The following ORMDL3 variants were observed in gnomAD, a reference collection of about 807,000 sequenced individuals.
ORMDL3 encodes ORM1-like protein 3.
ORMDL3 carries 6 observed loss-of-function variants against 12.6 expected under a neutral mutation model. That is an observed-to-expected ratio of 0.48 (90% CI 0.26 to 0.94). ORMDL3 has a LOEUF of 0.94. Ranked by LOEUF, ORMDL3 falls within the 40% of genes least tolerant of loss-of-function variation. The pLI, the probability that ORMDL3 is intolerant of heterozygous loss-of-function variation, is 0.14. For missense variants in ORMDL3, 159 were observed against 205.5 expected (o/e 0.77, Z 1.38); for synonymous variants, 99 against 87.2 (o/e 1.14, Z -0.75).
At position 39,922,242 on chromosome 17, in the gene ORMDL3, C is replaced by T. The variant is rs192211039; in HGVS notation, c.*308G>A. 6 of 235,568 alleles carry T rather than the reference C, an allele frequency of 2.5e-5. No homozygotes were observed. Among genetic ancestry groups the T allele is most frequent in the Non-Finnish European group, 4.1e-5 (5 of 121,134 alleles). The allele number at this position is 235,568 out of a possible 1,614,324, so 14.6% of individuals were successfully genotyped here. Reference sequence around the variant, plus strand: ...TTCCCCTGGCCTCCTGTCGCAACTGCGTGGTCCATGTTCAGCCCAGGAGCC... The same window carrying T: ...TTCCCCTGGCCTCCTGTCGCAACTGTGTGGTCCATGTTCAGCCCAGGAGCC... On this transcript the variant is annotated 3_prime_UTR_variant, in exon 4 of 4. Transcript: ENST00000304046.
rs768286050 is a variant in ORMDL3, at chr17:39,924,254, G to A, written c.-22-29C>T. 3.9e-6 allele frequency: 6 copies of A among 1,533,720 alleles called. No individual in the cohort carries two copies. The African/African-American group carries it at 4.1e-5, about 11-fold the overall frequency. On this transcript the variant is annotated intron_variant, in intron 1 of 3. Transcript: ENST00000304046. ...CAAACAAGCAGCACAGGTCAGACAG[G>A]TCACACTGCTTTCCCTGCCCCCTCT...
At position 39,921,251 on chromosome 17, in the gene ORMDL3, C is replaced by T. The variant is rs1045787051; in HGVS notation, c.*1299G>A. ...CTGGAAGAGGACACAGGGACCCACA[C>T]CTTTTCAAAATTAACACTGCCCCTA... On this transcript the variant is annotated 3_prime_UTR_variant, in exon 4 of 4. Transcript: ENST00000304046. 6.6e-6 allele frequency: 1 copy of T among 152,670 alleles called. No individual in the cohort carries two copies. The highest frequency in any genetic ancestry group is 1.5e-5 in the Non-Finnish European group (1 of 68,084). The allele number at this position is 152,670 out of a possible 1,614,324, so 9.5% of individuals were successfully genotyped here.
At chr17:39,925,004 C>G (rs1598286979) in intron 1 of ORMDL3, among the ~76,000 whole-genome samples, 1 of 152,160 alleles carries the variant, frequency 6.6e-6, no homozygotes, top group Non-Finnish European at 1.5e-5. Flanking sequence ...GCCAAACCAC[C>G]AGGGCCCTTT....
In ORMDL3 at chr17:39,921,799, C is replaced by G. The variant is rs1357762626; in HGVS notation, c.*751G>C. ...GTCCCTACCCCTCCCTCCCTTACAC[C>G]AGTCCTCTGCTGCTATGTGGCCCCA... On this transcript the variant is annotated 3_prime_UTR_variant, in exon 4 of 4. Coordinates refer to ENST00000304046, the MANE Select transcript of ORMDL3 (RefSeq NM_139280.4). The G allele has an allele frequency of 6.6e-6, 1 of 152,402 alleles. No individual in the cohort carries two copies. Among genetic ancestry groups the G allele is most frequent in the African/African-American group, 2.4e-5 (1 of 41,396 alleles). The allele number at this position is 152,402 out of a possible 1,614,324, so 9.4% of individuals were successfully genotyped here.
Position 39,927,466 on chromosome 17 carries a change from G to T in ORMDL3, c.-23+18C>A. 9.1e-6 allele frequency: 9 copies of T among 985,370 alleles called. No individual in the cohort carries two copies. Among genetic ancestry groups the T allele is most frequent in the Non-Finnish European group, 9.6e-6 (8 of 830,014 alleles). The allele number at this position is 985,370 out of a possible 1,614,324, so 61.0% of individuals were successfully genotyped here. ...CCCTCCCGTAGCCCTGGGGCCTCTT[G>T]GTTCCTTCCGGGCTCACCGTGTGGG... On this transcript the variant is annotated intron_variant, in intron 1 of 3. Transcript: ENST00000304046.
intron 1 of ORMDL3, chr17:39,926,843 A>C (rs1978455075): frequency 1.0e-6 from 1 of 985,792 alleles, no homozygotes; most frequent in Non-Finnish European, 1.2e-6. Flanking sequence ...GAGGAGCACA[A>C]AACATCCAGG....
intron 1 of ORMDL3, chr17:39,927,028 A>T (rs1009952155): frequency 1.0e-6 from 1 of 980,850 alleles, no homozygotes; most frequent in Non-Finnish European, 1.2e-6. Context: ...AACCCGCACT[A>T]AGCACAGGAG....
Position 39,924,125 on chromosome 17 carries a change from C to A in ORMDL3, c.79G>T (p.Val27Leu). The A allele has an allele frequency of 6.2e-7, 1 of 1,614,128 alleles. No homozygotes were observed. ...MNSRGIWLSYVLAIGLLHIVL... is the reference protein window; with the variant it reads ...MNSRGIWLSYLLAIGLLHIVL... Reference sequence around the variant, plus strand: ...ATGTGGAGGAGACCGATGGCCAGCACGTAGGAGAGCCAGATGCCACGGCTG... The same window carrying A: ...ATGTGGAGGAGACCGATGGCCAGCAAGTAGGAGAGCCAGATGCCACGGCTG... Residue 27 changes from valine to leucine, a missense_variant, in exon 2 of 4, where the codon GTG (valine) becomes TTG (leucine). Coordinates refer to ENST00000304046, the MANE Select transcript of ORMDL3 (RefSeq NM_139280.4).
chr17:39,926,683 G>A, intron 1 of ORMDL3: 1 of 713,702 alleles, frequency 1.4e-6, no homozygotes, highest in South Asian at 6.3e-5. Context: ...CACCCTCTTG[G>A]CTCCACATAC....
chr17:39,922,372 C>T lies in ORMDL3; in HGVS notation c.*178G>A, dbSNP rs1978301871. ...GAGCCCAGGGGGCCTACCCCAACCC[C>T]ACTACAAGCTACTCCAAGTTGGCTA... is the stretch of plus-strand genomic sequence containing the variant. On this transcript the variant is annotated 3_prime_UTR_variant, in exon 4 of 4. Coordinates refer to ENST00000304046, the MANE Select transcript of ORMDL3 (RefSeq NM_139280.4). 3 of 745,184 alleles carry T rather than the reference C, an allele frequency of 4.0e-6. No homozygotes were observed. In the South Asian group the frequency reaches 5.8e-5, roughly 14 times the overall value. 46.2% of individuals were successfully genotyped at this position (745,184 alleles called of 1,614,324 possible).
In ORMDL3 at chr17:39,922,501, T is replaced by C. The variant is rs1331023857; in HGVS notation, c.*49A>G. 1 of 1,586,758 alleles carries C rather than the reference T, an allele frequency of 6.3e-7. No homozygotes were observed. The highest frequency in any genetic ancestry group is 1.1e-5 in the South Asian group (1 of 87,654). ...TCTTCAGTGTTGCAGCACATGCCTT[T>C]TACCCTACCCCTCCCCTGCCACCCT... On this transcript the variant is annotated 3_prime_UTR_variant, in exon 4 of 4. Coordinates refer to ENST00000304046, the MANE Select transcript of ORMDL3 (RefSeq NM_139280.4).
At position 39,922,097 on chromosome 17, in the gene ORMDL3, T is replaced by C. The variant is rs141337010; in HGVS notation, c.*453A>G. ...TCCATACACAAAAGCACACACTGCG[T>C]GGCATCGAAAAAACCTAGGAATCAC... On this transcript the variant is annotated 3_prime_UTR_variant, in exon 4 of 4. Transcript: ENST00000304046. The C allele has an allele frequency of 3.2e-3, 494 of 155,164 alleles. 3 individuals are homozygous for C. In the Middle Eastern group the frequency reaches 0.071, roughly 22 times the overall value. 9.6% of individuals were successfully genotyped at this position (155,164 alleles called of 1,614,324 possible). A position where few individuals can be genotyped will look rare whatever the true frequency, so the allele number is the denominator to read the frequency against.
At chr17:39,927,338 G>C (rs1019337812) in intron 1 of ORMDL3, 146 bp downstream of exon 1, 3 of 504,818 alleles carry the variant, frequency 5.9e-6, no homozygotes, top group Non-Finnish European at 7.5e-6. Flanking sequence ...CTCCCCAGCC[G>C]ATGCACCCCC....
intron 1 of ORMDL3, chr17:39,927,038 G>A (rs1978468210): frequency 3.1e-6 from 3 of 977,740 alleles, no homozygotes; most frequent in African/African-American, 1.8e-5. Context: ...AAGCACAGGA[G>A]AGGAGGAGCG....
At chr17:39,927,004 C>T (rs1033107601) in intron 1 of ORMDL3, 2 of 985,620 alleles carry the variant, frequency 2.0e-6, no homozygotes, top group Non-Finnish European at 2.4e-6. Context: ...GAGCGGAAAG[C>T]GAGTGCCCAG....
chr17:39,924,406 C>A (rs1165214413), intron 1 of ORMDL3, among the ~76,000 whole-genome samples, 181 bp from the exon 2 acceptor site: 1 of 152,196 alleles, frequency 6.6e-6, no homozygotes, highest in East Asian at 1.9e-4. Flanking sequence ...TCATTTCCTG[C>A]TGCTGGGCTG....
In ORMDL3 at chr17:39,922,481, A is replaced by T. The variant is rs1251130354; in HGVS notation, c.*69T>A. On this transcript the variant is annotated 3_prime_UTR_variant, in exon 4 of 4. Transcript: ENST00000304046. ...CCAGAGGCTTCTTCTTTCTGTCTTCAGTGTTGCAGCACATGCCTTTTACCC... is the reference window on the plus strand; with the variant it reads ...CCAGAGGCTTCTTCTTTCTGTCTTCTGTGTTGCAGCACATGCCTTTTACCC... 4 of 1,518,700 alleles carry T rather than the reference A, an allele frequency of 2.6e-6. No homozygotes were observed. Among genetic ancestry groups the T allele is most frequent in the Non-Finnish European group, 3.6e-6 (4 of 1,125,850 alleles). 94.1% of individuals were successfully genotyped at this position (1,518,700 alleles called of 1,614,324 possible).
At position 39,922,457 on chromosome 17, in the gene ORMDL3, C is replaced by A; in HGVS notation, c.*93G>T. The A allele has an allele frequency of 6.9e-7, 1 of 1,444,272 alleles. No individual in the cohort carries two copies. Among genetic ancestry groups the A allele is most frequent in the South Asian group, 1.3e-5 (1 of 74,330 alleles). The allele number at this position is 1,444,272 out of a possible 1,614,324, so 89.5% of individuals were successfully genotyped here. ...CTCAACCCCCATCTCTGGCAGTGTC[C>A]AGAGGCTTCTTCTTTCTGTCTTCAG... On this transcript the variant is annotated 3_prime_UTR_variant, in exon 4 of 4. Coordinates refer to ENST00000304046, the MANE Select transcript of ORMDL3 (RefSeq NM_139280.4).
chr17:39,922,550 T>C lies in ORMDL3; in HGVS notation c.462A>G (p.Ter154TrpextTer39), dbSNP rs1978303916. 3 of 1,613,918 alleles carry C rather than the reference T, an allele frequency of 1.9e-6. No individual in the cohort carries two copies. The highest frequency in any genetic ancestry group is 2.5e-6 in the Non-Finnish European group (3 of 1,179,864). ...GVRIFGINKY[*>W] is the part of the protein sequence containing the mutation. ...CTGGGCAGGGGAAGGGGCTGCACTC[T>C]CAGTACTTATTGATTCCAAAAATCC... The change falls in exon 4 of 4, where the codon TGA (stop) becomes TGG (tryptophan). Residue 154 changes from the stop codon to tryptophan, a stop_lost. Transcript: ENST00000304046.
Sources: gnomAD v4.1 joint callset for allele counts (sites outside exome capture counted in the v4.1 genomes callset) on GRCh38, gnomAD v4.1.1 for gene constraint, MANE v1.5 for transcripts, NCBI Gene and HGNC (gene_info 2026-07-23, HGNC 2026-07-21) for gene names.